NAALADL2: variants seen among roughly 807,000 people sequenced by gnomAD.
The protein encoded by NAALADL2 is inactive N-acetylated-alpha-linked acidic dipeptidase-like protein 2.
NAALADL2 carries 76 observed loss-of-function variants against 87.2 expected under a neutral mutation model. The observed-to-expected ratio is 0.87, with a 90% CI of 0.72 to 1.05. The LOEUF (loss-of-function observed/expected upper bound fraction) is 1.05, where lower values mean the gene tolerates loss of function less well. NAALADL2 is among the 50% of genes least tolerant of loss of function. NAALADL2 has a pLI of 0.00. For synonymous variants in NAALADL2, 354 were observed against 331.0 expected (o/e 1.07, Z -0.75); for missense variants, 1,089 against 945.8 (o/e 1.15, Z -1.99).
intron 5 of NAALADL2, chr3:175,369,408 G>C (rs2148941393): frequency 1.3e-5 from 2 of 150,602 alleles, no homozygotes; most frequent in East Asian, 3.9e-4. Context: ...TAGGTAACAA[G>C]TATGTGTGTG....
chr3:175,454,513 T>G (rs1722047184), intron 6 of NAALADL2, among the ~76,000 whole-genome samples: 1 of 152,028 alleles, frequency 6.6e-6, no homozygotes, highest in African/African-American at 2.4e-5. Context: ...CCAGTTTTGG[T>G]AAGCCCAGGA....
At chr3:174,918,510 T>TA (rs1734716229) in intron 1 of NAALADL2, among the ~76,000 whole-genome samples, 1 of 152,198 alleles carries the variant, frequency 6.6e-6, no homozygotes, top group South Asian at 2.1e-4. Flanking sequence ...TGTGCATCTG[T>TA]ACTCAGTTTT....
intron 1 of NAALADL2, among the ~76,000 whole-genome samples, chr3:174,986,731 A>G (rs1301288935): frequency 1.3e-5 from 2 of 152,154 alleles, no homozygotes; most frequent in Admixed American, 1.3e-4. Flanking sequence ...GATGGTTTAG[A>G]ATGATAACTT....
At chr3:175,445,936 G>A (rs1264287955) in intron 5 of NAALADL2, among the ~76,000 whole-genome samples, 2 of 152,072 alleles carry the variant, frequency 1.3e-5, no homozygotes, top group Admixed American at 1.3e-4. Context: ...ATCCTCACTA[G>A]GTCTGCTGCC....
At chr3:174,831,241 G>C (rs1722648656) in intron 3 of NAALADL2, among the ~76,000 whole-genome samples, 1 of 150,888 alleles carries the variant, frequency 6.6e-6, no homozygotes, top group Non-Finnish European at 1.5e-5. Context: ...ATTGGCTGTG[G>C]GTTTGTCATA....
At chr3:175,433,496 C>T (rs1176886538) in intron 5 of NAALADL2, among the ~76,000 whole-genome samples, 1 of 151,998 alleles carries the variant, frequency 6.6e-6, no homozygotes, top group East Asian at 1.9e-4. Context: ...CCATTCCTAT[C>T]CCTTAAGAAC....
chr3:174,720,065 G>T (rs1337454532), intron 2 of NAALADL2, among the ~76,000 whole-genome samples: 2 of 152,142 alleles, frequency 1.3e-5, no homozygotes, highest in Admixed American at 6.5e-5. Flanking sequence ...CTCCTGAAGT[G>T]CTGGGATTAC....
intron 1 of NAALADL2, among the ~76,000 whole-genome samples, chr3:174,920,043 G>A (rs1734940250): frequency 6.6e-6 from 1 of 152,144 alleles, no homozygotes; most frequent in African/African-American, 2.4e-5. Context: ...CTATAAACAT[G>A]TATGCTATCA....
chr3:175,683,360 A>G (rs1248513342), intron 11 of NAALADL2, among the ~76,000 whole-genome samples: 2 of 152,012 alleles, frequency 1.3e-5, no homozygotes, highest in Non-Finnish European at 2.9e-5. Context: ...GATTCAGTTT[A>G]AAAATTAAGG....
intron 11 of NAALADL2, among the ~76,000 whole-genome samples, chr3:175,691,804 G>A (rs957154063): frequency 1.3e-5 from 2 of 151,948 alleles, no homozygotes; most frequent in African/African-American, 4.8e-5. Flanking sequence ...ACCTTTTAAG[G>A]TTTAAGAGCA....
intron 1 of NAALADL2, among the ~76,000 whole-genome samples, chr3:175,023,777 A>G (rs762173238): frequency 6.6e-6 from 1 of 152,108 alleles, no homozygotes; most frequent in Non-Finnish European, 1.5e-5. Context: ...AGAGTATGGC[A>G]CTTTCAGACA....
intron 5 of NAALADL2, among the ~76,000 whole-genome samples, chr3:175,353,994 G>A (rs1764073130): frequency 6.6e-6 from 1 of 152,136 alleles, no homozygotes; most frequent in Admixed American, 6.6e-5. Context: ...TTTTCAGAAT[G>A]AGAATTATGG....
At chr3:174,733,756 C>T (rs1732925269) in intron 2 of NAALADL2, among the ~76,000 whole-genome samples, 1 of 152,170 alleles carries the variant, frequency 6.6e-6, no homozygotes, top group Non-Finnish European at 1.5e-5. Context: ...AGTCTCAAAT[C>T]CATCTCTCTG....
At chr3:174,450,080 A>C (rs1306898358) in intron 1 of NAALADL2, among the ~76,000 whole-genome samples, 4 of 151,900 alleles carry the variant, frequency 2.6e-5, no homozygotes, top group African/African-American at 9.7e-5. Context: ...ACTTATTTTG[A>C]GTTGAGTACA....
rs549124223 is a variant in NAALADL2, at chr3:175,203,420, G to A, written c.546-30511G>A. On this transcript the variant is annotated intron_variant, in intron 2 of 13. Coordinates refer to ENST00000454872, the MANE Select transcript of NAALADL2 (RefSeq NM_207015.3). ...CAAACAGACCTTCAGTTATTGCAGT[G>A]GGGGGATGTGTATTTGGAAGAGGAA... Among the ~76,000 whole-genome samples the A allele has an allele frequency of 2.2e-4, 34 of 152,268 alleles. No individual in the cohort carries two copies. The South Asian group carries it at 3.7e-3, about 17-fold the overall frequency.
chr3:175,118,981 G>A (rs1487319141), intron 2 of NAALADL2, among the ~76,000 whole-genome samples: 1 of 151,580 alleles, frequency 6.6e-6, no homozygotes. Context: ...ATTATAACAT[G>A]TGAGGATTTT....
intron 1 of NAALADL2, among the ~76,000 whole-genome samples, chr3:175,008,302 G>A (rs900772216): frequency 5.3e-4 from 81 of 152,234 alleles, no homozygotes; most frequent in African/African-American, 1.9e-3. Context: ...GATTGCTTGA[G>A]CGCAGGAGTT....
At chr3:175,253,366 G>T (rs986669918) in intron 3 of NAALADL2, among the ~76,000 whole-genome samples, 1 of 152,144 alleles carries the variant, frequency 6.6e-6, no homozygotes, top group African/African-American at 2.4e-5. Flanking sequence ...TTTACACATG[G>T]ACTACTGAAT....
chr3:175,161,469 T>C (rs942238073), intron 2 of NAALADL2, among the ~76,000 whole-genome samples: 1 of 152,102 alleles, frequency 6.6e-6, no homozygotes, highest in East Asian at 1.9e-4. Flanking sequence ...ATTATCGAAA[T>C]AGCTCCATGT....
Sources: gnomAD v4.1 joint callset for allele counts (sites outside exome capture counted in the v4.1 genomes callset) on GRCh38, gnomAD v4.1.1 for gene constraint, MANE v1.5 for transcripts, NCBI Gene and HGNC (gene_info 2026-07-23, HGNC 2026-07-21) for gene names.